Variants in TICRR observed in about 807,000 individuals in gnomAD.
TICRR encodes the protein treslin.
In TICRR, 132 loss-of-function variants were observed where a neutral mutation model predicts 178.1. The observed-to-expected ratio is 0.74, with a 90% CI of 0.64 to 0.86. The LOEUF (loss-of-function observed/expected upper bound fraction) is 0.86. Ranked by LOEUF, TICRR falls within the 40% of genes least tolerant of loss-of-function variation. The probability of loss-of-function intolerance (pLI) is 0.00; values close to 1 mark genes in which losing one functional copy is unlikely to be tolerated. For missense variants in TICRR, 2,587 were observed against 2,334.3 expected, an observed-to-expected ratio of 1.11 and a Z score of -2.23; for synonymous variants, 991 against 900.7, an observed-to-expected ratio of 1.10 and a Z score of -1.79.
In TICRR at chr15:89,601,825, A is replaced by G. The variant is rs114715281; in HGVS notation, c.2416A>G (p.Thr806Ala). The G allele has an allele frequency of 1.9e-6, 3 of 1,614,096 alleles. No homozygotes were observed. Among genetic ancestry groups the G allele is most frequent in the African/African-American group, 2.7e-5 (2 of 75,008 alleles). The change falls in exon 12 of 22, where the codon ACA becomes GCA. Residue 806 changes from threonine (T) to alanine (A), a missense_variant. Transcript: ENST00000268138. ...IPQKLAGVLP[T>A]DFFSDDSMTQ... is the part of the protein sequence containing the mutation. ...TCAGAAGCTGGCTGGTGTCCTTCCT[A>G]CAGATTTTTTCAGTGATGACTCCAT... is the stretch of plus-strand genomic sequence containing the variant.
At chr15:89,586,216 G>A (rs2165155) in intron 4 of TICRR, among the ~76,000 whole-genome samples, 124,506 of 152,152 alleles carry the variant, frequency 0.82, 51,821 homozygotes, top group Non-Finnish European at 0.92. Context: ...TAGTGATTCT[G>A]TCTACCCTGC....
intron 13 of TICRR, among the ~76,000 whole-genome samples, chr15:89,604,730 C>T (rs1963148952): frequency 6.9e-6 from 1 of 145,050 alleles, no homozygotes; most frequent in African/African-American, 2.6e-5. Flanking sequence ...ATGATGAAGC[C>T]ACTGCACTCC....
rs779327500 is a variant in TICRR, at chr15:89,625,026, A to C, written c.4716A>C (p.Lys1572Asn). The C allele has an allele frequency of 1.9e-6, 3 of 1,613,892 alleles. No homozygotes were observed. The East Asian group carries it at 6.7e-5, about 36-fold the overall frequency. The change falls in exon 20 of 22, where the codon AAA becomes AAC. Residue 1572 changes from lysine (K) to asparagine (N), a missense_variant. Physicochemically the swap from Lys to Asn is moderately conservative, Grantham distance 94. Transcript: ENST00000268138. Reference sequence around the variant, plus strand: ...AGATGCAAGCTTCTGGCCTTCCCAAACTTCGAATTAAGAAGATAGACCCCA... The same window carrying C: ...AGATGCAAGCTTCTGGCCTTCCCAACCTTCGAATTAAGAAGATAGACCCCA... ...ELEMQASGLP[K>N]LRIKKIDPSS...
Position 89,625,000 on chromosome 15 carries a change from G to A in TICRR, c.4690G>A (p.Glu1564Lys), listed in dbSNP as rs1416718053. The A allele has an allele frequency of 6.2e-7, 1 of 1,613,968 alleles. No individual in the cohort carries two copies. The highest frequency in any genetic ancestry group is 1.7e-5 in the Admixed American group (1 of 60,004). Residue 1564 changes from glutamate (E) to lysine (K), a missense_variant, in exon 20 of 22, where the codon GAG (glutamate) becomes AAG (lysine). Glu to Lys is a moderately conservative substitution (Grantham distance 56). Transcript: ENST00000268138. The stretch of plus-strand genomic sequence containing the variant: ...CCCACAGACCTATGAGGTTGAGCTG[G>A]AGATGCAAGCTTCTGGCCTTCCCAA... ...ASPQTYEVEL[E>K]MQASGLPKLR...
At position 89,576,209 on chromosome 15, in the gene TICRR, T is replaced by C. The variant is rs1312756797; in HGVS notation, c.623T>C (p.Phe208Ser). 6.3e-7 allele frequency: 1 copy of C among 1,593,038 alleles called. No individual in the cohort carries two copies. Among genetic ancestry groups the C allele is most frequent in the Non-Finnish European group, 8.5e-7 (1 of 1,175,954 alleles). Residue 208 changes from phenylalanine to serine, a missense_variant, in exon 1 of 22, where the codon TTC (phenylalanine) becomes TCC (serine). By Grantham distance (155) the Phe-to-Ser change is radical. Transcript: ENST00000268138. ...REVMVARKIT[F>S]YWVDTTEWSK... is the part of the protein sequence containing the mutation. ...GTCATGGTCGCCCGAAAAATCACCT[T>C]CTACTGGGTGGATACCACCGAATGG...
Position 89,623,786 on chromosome 15 carries a change from A to AC in TICRR, c.3477dup (p.Ser1160LeufsTer7). On this transcript the variant is annotated frameshift_variant, in exon 20 of 22. Coordinates refer to ENST00000268138, the MANE Select transcript of TICRR (RefSeq NM_152259.4). LOFTEE classifies it high-confidence loss of function. ...GCAGCTTTTAAGGAGTCCTTAAAAG[A>AC]CTCCTCCTCACCCGGCCATGACTCA... is the stretch of plus-strand genomic sequence containing the variant. 1 of 1,613,272 alleles carries AC rather than the reference A, an allele frequency of 6.2e-7. No individual in the cohort carries two copies. The highest frequency in any genetic ancestry group is 8.5e-7 in the Non-Finnish European group (1 of 1,179,848).
chr15:89,624,168 T>A lies in TICRR; in HGVS notation c.3858T>A (p.Asp1286Glu), dbSNP rs778370830. 3.7e-6 allele frequency: 6 copies of A among 1,613,950 alleles called. No individual in the cohort carries two copies. The highest frequency in any genetic ancestry group is 5.1e-6 in the Non-Finnish European group (6 of 1,180,012). ...RAEEPAQKLK[D>E]KAIKTPKRPG... ...AGGAACCAGCCCAGAAACTAAAGGA[T>A]AAAGCTATCAAAACTCCAAAAAGAC... The change falls in exon 20 of 22, where the codon GAT (aspartate) becomes GAA (glutamate). Residue 1286 changes from aspartate (D) to glutamate (E), a missense_variant. Physicochemically the swap from Asp to Glu is conservative, Grantham distance 45. Coordinates refer to ENST00000268138, the MANE Select transcript of TICRR (RefSeq NM_152259.4).
chr15:89,621,161 A>G (rs1257130578), intron 18 of TICRR, among the ~76,000 whole-genome samples: 1 of 152,100 alleles, frequency 6.6e-6, no homozygotes, highest in African/African-American at 2.4e-5. Flanking sequence ...CTGGGATTAC[A>G]GGCCCCTGCC....
At chr15:89,578,534 T>C (rs964066615) in intron 1 of TICRR, among the ~76,000 whole-genome samples, 1 of 152,186 alleles carries the variant, frequency 6.6e-6, no homozygotes. Flanking sequence ...ACAATTGATA[T>C]CACATCAAAG....
At position 89,624,367 on chromosome 15, in the gene TICRR, C is replaced by G; in HGVS notation, c.4057C>G (p.Leu1353Val). 6.2e-7 allele frequency: 1 copy of G among 1,614,036 alleles called. No homozygotes were observed. Among genetic ancestry groups the G allele is most frequent in the Non-Finnish European group, 8.5e-7 (1 of 1,179,906 alleles). ...GATGTCACCCAGCGTAGCTGCATCT[C>G]TCTCCTGCCCTGTTCCCTCAACTCC... The part of the protein sequence containing the change: ...PQMSPSVAAS[L>V]SCPVPSTPPE... Residue 1353 changes from leucine (L) to valine (V), a missense_variant, in exon 20 of 22, where the codon CTC becomes GTC. Transcript: ENST00000268138.
chr15:89,616,061 G>A (rs1297278245), intron 15 of TICRR, among the ~76,000 whole-genome samples: 2 of 151,832 alleles, frequency 1.3e-5, no homozygotes, highest in Non-Finnish European at 2.9e-5. Context: ...ATTTTTGTAT[G>A]TTTAGTAGAG....
At chr15:89,582,986 G>A in intron 2 of TICRR, 21 bp downstream of exon 2, 1 of 1,556,318 alleles carries the variant, frequency 6.4e-7, no homozygotes, top group Non-Finnish European at 8.6e-7. Flanking sequence ...AATATTTTAA[G>A]GTTTTTTTTT....
rs755337076 is a variant in TICRR at position 89,621,511 on chromosome 15, A to C, written c.3273A>C (p.Ser1091=). 4.3e-6 allele frequency: 7 copies of C among 1,613,964 alleles called. No individual in the cohort carries two copies. Among genetic ancestry groups the C allele is most frequent in the Non-Finnish European group, 5.9e-6 (7 of 1,179,948 alleles). The change falls in exon 19 of 22, where the codon TCA becomes TCC. Residue 1091 remains serine, a synonymous_variant. Coordinates refer to ENST00000268138, the MANE Select transcript of TICRR (RefSeq NM_152259.4). ...GTTCAGCTCGAATGAAAAAGCGTTC[A>C]AGAAACACTTTGGATTCGGAGGTAC... The part of the protein sequence containing the change: ...EKGSARMKKR[S]RNTLDSEVPA...
chr15:89,621,641 G>C, intron 19 of TICRR, 91 bp downstream of exon 19: 1 of 1,100,104 alleles, frequency 9.1e-7, no homozygotes, highest in Non-Finnish European at 1.3e-6. Flanking sequence ...GGAAGAGAAA[G>C]CAGGTGACCT....
rs78861523 is a variant in TICRR at position 89,612,516 on chromosome 15, T to A, written c.2869+3567T>A. On this transcript the variant is annotated intron_variant, in intron 15 of 21. Transcript: ENST00000268138. ...CCTGGAATGTGGGCTGCTATCCCAA[T>A]AGCTACAGCAGGGATGAGAAAAGGG... Among the ~76,000 whole-genome samples the A allele has an allele frequency of 5.4e-3, 821 of 152,304 alleles. 8 individuals are homozygous for A. Among genetic ancestry groups the A allele is most frequent in the African/African-American group, 0.019 (799 of 41,564 alleles).
intron 16 of TICRR, among the ~76,000 whole-genome samples, chr15:89,616,869 T>C (rs1272234179): frequency 6.6e-6 from 1 of 152,214 alleles, no homozygotes. Context: ...GGCTGCAGTT[T>C]TTTCTGCAGC....
chr15:89,606,115 A>G (rs947276100), intron 13 of TICRR, among the ~76,000 whole-genome samples: 2 of 152,212 alleles, frequency 1.3e-5, no homozygotes, highest in Admixed American at 1.3e-4. Flanking sequence ...TTTGTTGTGT[A>G]TATTTCCAGG....
intron 15 of TICRR, among the ~76,000 whole-genome samples, chr15:89,612,646 G>A (rs1027227514): frequency 2.0e-5 from 3 of 152,176 alleles, no homozygotes; most frequent in Non-Finnish European, 4.4e-5. Flanking sequence ...CAAGTTGCCA[G>A]GTTCCAAAAT....
chr15:89,597,179 A>G (rs887078063), intron 7 of TICRR, among the ~76,000 whole-genome samples: 1 of 152,100 alleles, frequency 6.6e-6, no homozygotes, highest in Non-Finnish European at 1.5e-5. Context: ...ATCTATTGCT[A>G]AGATGATTGT....
Sources: gnomAD v4.1 joint callset for allele counts (sites outside exome capture counted in the v4.1 genomes callset) on GRCh38, gnomAD v4.1.1 for gene constraint, MANE v1.5 for transcripts, NCBI Gene and HGNC (gene_info 2026-07-23, HGNC 2026-07-21) for gene names.